The following RARG variants were observed in gnomAD, a reference collection of about 807,000 sequenced individuals.
The protein encoded by RARG is RAR-gamma.
A neutral mutation model predicts 43.7 loss-of-function variants in RARG; 17 were observed. That is an observed-to-expected ratio of 0.39 (90% CI 0.27 to 0.58). The LOEUF is 0.58. Ranked by LOEUF, RARG falls within the 20% of genes least tolerant of loss-of-function variation. The pLI is 0.57. For synonymous variants in RARG, 238 were observed against 236.4 expected (o/e 1.01, Z -0.06); for missense variants, 346 against 598.7 (o/e 0.58, Z 4.40).
At chr12:53,222,409 G>A (rs1942999787) in intron 3 of RARG, among the ~76,000 whole-genome samples, 1 of 152,098 alleles carries the variant, frequency 6.6e-6, no homozygotes, top group African/African-American at 2.4e-5. Flanking sequence ...AAACAAGAGG[G>A]AAAGAGCCTT....
intron 3 of RARG, among the ~76,000 whole-genome samples, chr12:53,224,395 G>A (rs1260288249): frequency 6.6e-6 from 1 of 152,104 alleles, no homozygotes; most frequent in Non-Finnish European, 1.5e-5. Context: ...CTTAGTCTAT[G>A]TGTGAGAGAG....
chr12:53,225,454 G>T, intron 3 of RARG, among the ~76,000 whole-genome samples: 1 of 151,934 alleles, frequency 6.6e-6, no homozygotes, highest in South Asian at 2.1e-4. Flanking sequence ...CTTCTCCGAT[G>T]AACACACTCT....
At position 53,211,853 on chromosome 12, in the gene RARG, C is replaced by T. The variant is rs765779086; in HGVS notation, c.1188G>A (p.Arg396=). The change falls in exon 10 of 10, where the codon AGG becomes AGA. Residue 396 remains arginine, a synonymous_variant. Transcript: ENST00000425354. This position sits in a 1 kb window ranked among gnomAD's most constrained non-coding sequence, Gnocchi z 4.6. ...GAATCTCCATCTTCAGAGTAATGGCCCTTTCAGCTCCTACAATGGAGAGAG... is the reference window on the plus strand; with the variant it reads ...GAATCTCCATCTTCAGAGTAATGGCTCTTTCAGCTCCTACAATGGAGAGAG... ...LRGISTKGAE[R]AITLKMEIPG... is the part of the protein sequence containing the mutation. The T allele has an allele frequency of 6.8e-6, 10 of 1,463,242 alleles. No homozygotes were observed. Among genetic ancestry groups the T allele is most frequent in the Non-Finnish European group, 9.1e-6 (10 of 1,097,528 alleles). 90.6% of individuals were successfully genotyped at this position (1,463,242 alleles called of 1,614,324 possible). A position where few individuals can be genotyped will look rare whatever the true frequency, so the allele number is the denominator to read the frequency against.
intron 3 of RARG, among the ~76,000 whole-genome samples, chr12:53,221,744 C>T (rs1251227621): frequency 1.3e-5 from 2 of 151,270 alleles, no homozygotes; most frequent in South Asian, 4.2e-4. Context: ...CTCCCCCGCG[C>T]CCCGCCCTCA....
rs1277802635 is a variant in RARG at position 53,227,538 on chromosome 12, G to A, written c.8C>T (p.Thr3Ile). 2 of 1,579,470 alleles carry A rather than the reference G, an allele frequency of 1.3e-6. No homozygotes were observed. The highest frequency in any genetic ancestry group is 1.2e-5 in the South Asian group (1 of 86,826). The stretch of plus-strand genomic sequence containing the variant: ...AGCCGCAAAGAGTCGCTCCTTATTG[G>A]TGGCCATGGCAGCTGCGGTGTGAGA... MA[T>I]NKERLFAAGA... is the part of the protein sequence containing the mutation. Residue 3 changes from threonine to isoleucine, a missense_variant, in exon 3 of 10, where the codon ACC (threonine) becomes ATC (isoleucine). Thr to Ile is a moderately conservative substitution (Grantham distance 89). Transcript: ENST00000425354. This position sits in a 1 kb window ranked among gnomAD's most constrained non-coding sequence, Gnocchi z 4.3.
In RARG at chr12:53,211,586, A is replaced by G; in HGVS notation, c.*90T>C. ...GGAAGGGGTGGGGAGAGGGCAGAGCAGGTCCTCCCCCAGTCACTGGCGGTC... is the reference window on the plus strand; with the variant it reads ...GGAAGGGGTGGGGAGAGGGCAGAGCGGGTCCTCCCCCAGTCACTGGCGGTC... On this transcript the variant is annotated 3_prime_UTR_variant, in exon 10 of 10. Coordinates refer to ENST00000425354, the MANE Select transcript of RARG (RefSeq NM_000966.6). This position sits in a 1 kb window ranked among gnomAD's most constrained non-coding sequence, Gnocchi z 4.6. 8.3e-7 allele frequency: 1 copy of G among 1,203,290 alleles called. No homozygotes were observed. The highest frequency in any genetic ancestry group is 1.1e-6 in the Non-Finnish European group (1 of 914,414). The allele number at this position is 1,203,290 out of a possible 1,614,324, so 74.5% of individuals were successfully genotyped here. A position where few individuals can be genotyped will look rare whatever the true frequency, so the allele number is the denominator to read the frequency against.
intron 9 of RARG, among the ~76,000 whole-genome samples, chr12:53,212,658 C>T (rs548787392): frequency 2.0e-5 from 3 of 151,428 alleles, no homozygotes; most frequent in Admixed American, 6.6e-5. Context: ...TTACAAGGTA[C>T]GTGAAGAATA....
At chr12:53,222,396 C>G (rs1942999418) in intron 3 of RARG, among the ~76,000 whole-genome samples, 1 of 152,062 alleles carries the variant, frequency 6.6e-6, no homozygotes, top group Non-Finnish European at 1.5e-5. Context: ...GGGAGTACCC[C>G]GAAAACAAGA....
chr12:53,215,298 T>G lies in RARG; in HGVS notation c.470A>C (p.Lys157Thr). The G allele has an allele frequency of 6.2e-7, 1 of 1,614,040 alleles. No homozygotes were observed. The highest frequency in any genetic ancestry group is 8.5e-7 in the Non-Finnish European group (1 of 1,179,944). Residue 157 changes from lysine to threonine, a missense_variant, in exon 5 of 10, where the codon AAG (lysine) becomes ACG (threonine). By Grantham distance (78) the Lys-to-Thr change is moderately conservative. Transcript: ENST00000425354. The surrounding 1 kb of genome is among the most constrained non-coding windows in gnomAD (Gnocchi z 6.4). Reference protein sequence around the residue: ...LQKCFEVGMSKEAVRNDRNKK... With the variant: ...LQKCFEVGMSTEAVRNDRNKK... Reference sequence around the variant, plus strand: ...AGCCAAGGATGGCAGCCTACCTTCCTTGGACATGCCCACTTCGAAGCACTT... The same window carrying G: ...AGCCAAGGATGGCAGCCTACCTTCCGTGGACATGCCCACTTCGAAGCACTT...
Position 53,222,297 on chromosome 12 carries a change from A to AAGAG in RARG, c.184+5061_184+5064dup, listed in dbSNP as rs111937808. ...GAAGAAAGAGAAAGGAGGAGAAAGA[A>AAGAG]AGAGAGAGAGAGAGAGAGAAAGAAA... On this transcript the variant is annotated intron_variant, in intron 3 of 9. Transcript: ENST00000425354. Among the ~76,000 whole-genome samples, 1,292 of 150,404 alleles carry AAGAG rather than the reference A, an allele frequency of 8.6e-3. 18 individuals are homozygous for AAGAG. The highest frequency in any genetic ancestry group is 0.03 in the African/African-American group (1,212 of 40,914).
Position 53,223,710 on chromosome 12 carries a change from G to C in RARG, c.184+3652C>G, listed in dbSNP as rs141550057. Among the ~76,000 whole-genome samples, 104 of 152,354 alleles carry C rather than the reference G, an allele frequency of 6.8e-4. 1 individual carries two copies. The highest frequency in any genetic ancestry group is 2.4e-3 in the African/African-American group (98 of 41,564). On this transcript the variant is annotated intron_variant, in intron 3 of 9. Coordinates refer to ENST00000425354, the MANE Select transcript of RARG (RefSeq NM_000966.6). Reference sequence around the variant, plus strand: ...CTGCTTGTTCTCCTTGCTTCTCCCAGTGCCTGGCTTCTCTGTGTCTGCACC... The same window carrying C: ...CTGCTTGTTCTCCTTGCTTCTCCCACTGCCTGGCTTCTCTGTGTCTGCACC...
chr12:53,219,972 C>A, intron 3 of RARG: 1 of 1,516,824 alleles, frequency 6.6e-7, no homozygotes, highest in South Asian at 1.2e-5. Context: ...CGGGTTGCGG[C>A]CAGGCAAAAG....
At position 53,214,231 on chromosome 12, in the gene RARG, G is replaced by A. The variant is rs773336530; in HGVS notation, c.641C>T (p.Ser214Phe). The A allele has an allele frequency of 6.2e-7, 1 of 1,612,230 alleles. No homozygotes were observed. The highest frequency in any genetic ancestry group is 1.7e-5 in the Admixed American group (1 of 60,008). ...CAGCTGCACGCGGTGGTCTGCACTG[G>A]AGTTCTGCAGAGGGGAGGGGTAGAA... The part of the protein sequence containing the change: ...LCQLGKYTTN[S>F]SADHRVQLDL... Residue 214 changes from serine to phenylalanine, a missense_variant, in exon 7 of 10, where the codon TCC (serine) becomes TTC (phenylalanine). Coordinates refer to ENST00000425354, the MANE Select transcript of RARG (RefSeq NM_000966.6).
chr12:53,224,544 G>A (rs997532419), intron 3 of RARG, among the ~76,000 whole-genome samples: 6 of 151,974 alleles, frequency 3.9e-5, no homozygotes, highest in African/African-American at 7.3e-5. Flanking sequence ...ACAGCAGGTC[G>A]GAGAAATGAG....
intron 3 of RARG, among the ~76,000 whole-genome samples, chr12:53,225,910 G>A (rs1331574771): frequency 2.0e-5 from 3 of 152,220 alleles, no homozygotes; most frequent in Non-Finnish European, 2.9e-5. Flanking sequence ...GCAGGGAGAG[G>A]AGGAGCCCAG....
chr12:53,220,053 G>C, intron 3 of RARG: 1 of 1,548,922 alleles, frequency 6.5e-7, no homozygotes, highest in Non-Finnish European at 8.7e-7. Flanking sequence ...CGGCCGCCCC[G>C]TACAGCCGTC....
chr12:53,228,749 T>G (rs1943166772), intron 2 of RARG, among the ~76,000 whole-genome samples: 1 of 152,158 alleles, frequency 6.6e-6, no homozygotes, highest in Non-Finnish European at 1.5e-5. Context: ...AATGTTTATA[T>G]TTTTAGTAGA....
intron 3 of RARG, chr12:53,219,857 T>C: frequency 8.2e-7 from 1 of 1,226,168 alleles, no homozygotes; most frequent in African/African-American, 1.5e-5. Context: ...CAGAAGCTCC[T>C]CCTTGCACCT....
In RARG at chr12:53,220,678, G is replaced by A. The variant is rs182649728; in HGVS notation, c.185-4884C>T. Among the ~76,000 whole-genome samples the A allele has an allele frequency of 3.2e-4, 49 of 152,322 alleles. 1 individual carries two copies. The East Asian group carries it at 6.6e-3, about 20-fold the overall frequency. On this transcript the variant is annotated intron_variant, in intron 3 of 9. Transcript: ENST00000425354. Reference sequence around the variant, plus strand: ...GCAGGCATACTCTCCACAGCTCATAGGCTTTGCATGCATTTGCACTGAGGC... The same window carrying A: ...GCAGGCATACTCTCCACAGCTCATAAGCTTTGCATGCATTTGCACTGAGGC...
Sources: allele counts gnomAD v4.1 joint callset (sites outside exome capture counted in the v4.1 genomes callset), GRCh38; gene constraint gnomAD v4.1.1; non-coding constraint Gnocchi (gnomAD v3.1); transcripts MANE v1.5; gene names NCBI Gene and HGNC (gene_info 2026-07-23, HGNC 2026-07-21).